Variants in FHIT observed in about 807,000 individuals in gnomAD.
FHIT encodes bis(5'-adenosyl)-triphosphatase.
A neutral mutation model predicts 17.9 loss-of-function variants in FHIT; 19 were observed. That is an observed-to-expected ratio of 1.06 (90% CI 0.74 to 1.56). FHIT has a LOEUF of 1.56. Ranked by LOEUF, FHIT falls within the 40% of genes most tolerant of loss-of-function variation. The pLI, the probability that FHIT is intolerant of heterozygous loss-of-function variation, is 0.00. For missense variants in FHIT, 248 were observed against 189.2 expected, an observed-to-expected ratio of 1.31 and a Z score of -1.82; for synonymous variants, 81 against 69.7, an observed-to-expected ratio of 1.16 and a Z score of -0.81.
intron 4 of FHIT, among the ~76,000 whole-genome samples, chr3:60,554,223 G>A (rs1027117841): frequency 2.0e-5 from 3 of 148,482 alleles, no homozygotes; most frequent in Admixed American, 6.7e-5. Flanking sequence ...TTTTCATTCT[G>A]AGATTCATCT....
At chr3:60,474,911 C>T (rs1399144132) in intron 5 of FHIT, among the ~76,000 whole-genome samples, 2 of 152,142 alleles carry the variant, frequency 1.3e-5, no homozygotes, top group East Asian at 3.9e-4. Flanking sequence ...GCGTGAGCCA[C>T]CGCACCTGGC....
intron 5 of FHIT, among the ~76,000 whole-genome samples, chr3:60,473,964 T>C (rs2033218229): frequency 6.6e-6 from 1 of 151,934 alleles, no homozygotes; most frequent in South Asian, 2.1e-4. Context: ...TCACAGAGAA[T>C]TGTACCTGGA....
At chr3:60,609,710 C>G (rs1482703091) in intron 4 of FHIT, among the ~76,000 whole-genome samples, 2 of 152,102 alleles carry the variant, frequency 1.3e-5, no homozygotes, top group Non-Finnish European at 2.9e-5. Flanking sequence ...TCTCAAATAG[C>G]CTTTCCATCT....
intron 3 of FHIT, among the ~76,000 whole-genome samples, chr3:60,849,004 G>A (rs529592101): frequency 6.6e-6 from 1 of 152,066 alleles, no homozygotes; most frequent in Non-Finnish European, 1.5e-5. Context: ...AACATTATGA[G>A]CCTCTATTTC....
intron 1 of FHIT, among the ~76,000 whole-genome samples, chr3:61,211,311 C>CTT (rs137938145): frequency 0.39 from 59,316 of 151,824 alleles, 11,893 homozygotes; most frequent in East Asian, 0.52. Context: ...TAATACTGCA[C>CTT]TTTTCCGATG....
At chr3:61,112,522 T>A (rs1245478822) in intron 2 of FHIT, among the ~76,000 whole-genome samples, 1 of 152,134 alleles carries the variant, frequency 6.6e-6, no homozygotes, top group Admixed American at 6.6e-5. Context: ...TGAAATGTCT[T>A]TTCAATATTT....
chr3:60,941,583 C>G (rs1559850160), intron 3 of FHIT, among the ~76,000 whole-genome samples: 1 of 152,162 alleles, frequency 6.6e-6, no homozygotes, highest in East Asian at 1.9e-4. Context: ...TGTTTTTATA[C>G]TTTTTCTACT....
chr3:60,095,227 A>C (rs149206557), intron 5 of FHIT, among the ~76,000 whole-genome samples: 146 of 152,320 alleles, frequency 9.6e-4, no homozygotes, highest in African/African-American at 3.4e-3. Flanking sequence ...CAAAACTTCT[A>C]GGATTCTAGA....
At chr3:61,217,716 T>C (rs986209478) in intron 1 of FHIT, among the ~76,000 whole-genome samples, 1 of 152,252 alleles carries the variant, frequency 6.6e-6, no homozygotes, top group East Asian at 1.9e-4. Flanking sequence ...GAAAATACAA[T>C]CTGCCACAAC....
intron 5 of FHIT, among the ~76,000 whole-genome samples, chr3:60,238,675 C>G (rs983513685): frequency 6.6e-6 from 1 of 152,106 alleles, no homozygotes; most frequent in Non-Finnish European, 1.5e-5. Context: ...TGTAGTTGCA[C>G]TCTTCCTTTC....
intron 4 of FHIT, chr3:60,553,268 A>G (rs1004097208): frequency 3.9e-6 from 1 of 253,728 alleles, no homozygotes; most frequent in South Asian, 1.5e-4. Flanking sequence ...CAGTTAGCCT[A>G]TGGTCAAATT....
intron 5 of FHIT, among the ~76,000 whole-genome samples, chr3:60,296,143 C>T (rs1014316530): frequency 1.3e-5 from 2 of 152,030 alleles, no homozygotes; most frequent in Non-Finnish European, 2.9e-5. Context: ...GTCCATTAAA[C>T]CTCTTTTTCT....
rs939956132 is a variant in FHIT, at chr3:60,544,163, GCT to G, written c.-17-7186_-17-7185del. On this transcript the variant is annotated intron_variant, in intron 4 of 9. Transcript: ENST00000492590. ...TTTCTTTGTCATACTGCATTGGTCA[GCT>G]ATGTGGTAATGTATTGAGAAGCAGA... is the stretch of plus-strand genomic sequence containing the variant. 6.6e-5 allele frequency among the ~76,000 whole-genome samples: 10 copies of G among 151,614 alleles called. 1 individual carries two copies. Among genetic ancestry groups the G allele is most frequent in the Admixed American group, 6.6e-4 (10 of 15,198 alleles).
At chr3:60,137,069 T>C (rs1699845922) in intron 5 of FHIT, among the ~76,000 whole-genome samples, 1 of 152,214 alleles carries the variant, frequency 6.6e-6, no homozygotes, top group Admixed American at 6.5e-5. Flanking sequence ...CAAACAATTT[T>C]CTATTTCAAA....
chr3:60,328,433 G>C (rs1440507649), intron 5 of FHIT, among the ~76,000 whole-genome samples: 6 of 152,184 alleles, frequency 3.9e-5, no homozygotes, highest in South Asian at 4.1e-4. Flanking sequence ...AAGAGTAAAG[G>C]CATGTCTGAC....
At chr3:61,007,432 G>T (rs1482440909) in intron 3 of FHIT, among the ~76,000 whole-genome samples, 1 of 152,160 alleles carries the variant, frequency 6.6e-6, no homozygotes, top group Non-Finnish European at 1.5e-5. Flanking sequence ...TAGGTTCAGT[G>T]GAGGTAAGAA....
At chr3:60,108,381 T>C (rs1294282148) in intron 5 of FHIT, among the ~76,000 whole-genome samples, 1 of 152,166 alleles carries the variant, frequency 6.6e-6, no homozygotes, top group African/African-American at 2.4e-5. Context: ...AGTCAAAAGG[T>C]TAGGTAATGT....
intron 5 of FHIT, among the ~76,000 whole-genome samples, chr3:60,149,873 G>A (rs1178124124): frequency 4.0e-5 from 6 of 151,622 alleles, no homozygotes; most frequent in African/African-American, 1.5e-4. Flanking sequence ...ATGTCTACAG[G>A]AGCTATAATG....
chr3:60,802,194 A>C (rs1187172529), intron 4 of FHIT, among the ~76,000 whole-genome samples: 1 of 152,308 alleles, frequency 6.6e-6, no homozygotes, highest in Middle Eastern at 3.4e-3. Flanking sequence ...GAAGAACTCA[A>C]ATGGTTGTGG....
Sources: gnomAD v4.1 joint callset for allele counts (sites outside exome capture counted in the v4.1 genomes callset) on GRCh38, gnomAD v4.1.1 for gene constraint, MANE v1.5 for transcripts, NCBI Gene and HGNC (gene_info 2026-07-23, HGNC 2026-07-21) for gene names.